The following TRIM22 variants were observed in gnomAD, a reference collection of about 807,000 sequenced individuals.
The protein encoded by TRIM22 is E3 ubiquitin-protein ligase TRIM22.
A neutral mutation model predicts 53.6 loss-of-function variants in TRIM22; 45 were observed. The ratio of observed to expected loss-of-function variants is 0.84; its 90% CI spans 0.66 to 1.08. The LOEUF is 1.08. Ranked by LOEUF, TRIM22 falls within the 50% of genes least tolerant of loss-of-function variation. The pLI, the probability that TRIM22 is intolerant of heterozygous loss-of-function variation, is 0.00. For missense variants in TRIM22, 616 were observed against 590.9 expected, an observed-to-expected ratio of 1.04 and a Z score of -0.44; for synonymous variants, 225 against 216.6, an observed-to-expected ratio of 1.04 and a Z score of -0.34.
At chr11:5,691,423 T>A (rs1485085803) in intron 1 of TRIM22, among the ~76,000 whole-genome samples, 1 of 152,222 alleles carries the variant, frequency 6.6e-6, no homozygotes, top group Non-Finnish European at 1.5e-5. Context: ...ATGTCTGGAA[T>A]CTATAGATAA....
intron 1 of TRIM22, among the ~76,000 whole-genome samples, chr11:5,693,646 C>T (rs969396638): frequency 4.1e-4 from 58 of 141,770 alleles, no homozygotes; most frequent in Non-Finnish European, 6.6e-4. Flanking sequence ...GGCGTGAACC[C>T]GAGAGGCGGA....
At position 5,710,059 on chromosome 11, in the gene TRIM22, T is replaced by G. The variant is rs112033537; in HGVS notation, c.*411T>G. The G allele has an allele frequency of 0.019, 3,254 of 167,244 alleles. 112 individuals carry two copies. Among genetic ancestry groups the G allele is most frequent in the African/African-American group, 0.074 (3,090 of 41,986 alleles). The allele number at this position is 167,244 out of a possible 1,614,324, so 10.4% of individuals were successfully genotyped here. ...ATACTGGCTCAGGGCCCACCGCTAATGCCTTAATGAAATCATTTTAACATT... is the reference window on the plus strand; with the variant it reads ...ATACTGGCTCAGGGCCCACCGCTAAGGCCTTAATGAAATCATTTTAACATT... On this transcript the variant is annotated 3_prime_UTR_variant, in exon 8 of 8. Transcript: ENST00000379965.
At chr11:5,696,845 A>G (rs1198023848) in intron 2 of TRIM22, 190 bp downstream of exon 2, 12 of 630,558 alleles carry the variant, frequency 1.9e-5, no homozygotes, top group African/African-American at 5.5e-5. Context: ...TATTTAAAAA[A>G]GAGTACAAAT....
chr11:5,695,858 C>A (rs968303774), intron 1 of TRIM22, among the ~76,000 whole-genome samples: 10 of 152,042 alleles, frequency 6.6e-5, no homozygotes, highest in Admixed American at 6.5e-4. Context: ...GGTTGGGGAA[C>A]AAAAGGCAGG....
At chr11:5,694,744 C>T (rs938138701) in intron 1 of TRIM22, among the ~76,000 whole-genome samples, 1 of 152,068 alleles carries the variant, frequency 6.6e-6, no homozygotes, top group African/African-American at 2.4e-5. Flanking sequence ...ATTGTAACTG[C>T]TTATAAAATT....
At chr11:5,700,105 G>C (rs1437461388) in intron 4 of TRIM22, among the ~76,000 whole-genome samples, 1 of 149,696 alleles carries the variant, frequency 6.7e-6, no homozygotes, top group Non-Finnish European at 1.5e-5. Context: ...ATACTCTGCA[G>C]TTTGTATGGT....
At chr11:5,690,476 T>TGA (rs1853155643) in intron 1 of TRIM22, among the ~76,000 whole-genome samples, 2 of 152,106 alleles carry the variant, frequency 1.3e-5, no homozygotes, top group Admixed American at 1.3e-4. Context: ...GGGGTGTGTG[T>TGA]GATGAGCTAG....
At chr11:5,704,539 T>C (rs1853427741) in intron 4 of TRIM22, among the ~76,000 whole-genome samples, 1 of 152,202 alleles carries the variant, frequency 6.6e-6, no homozygotes, top group Non-Finnish European at 1.5e-5. Flanking sequence ...TTATCAGACA[T>C]ATAATTTGTA....
At chr11:5,705,863 CTG>C (rs1297662357) in intron 4 of TRIM22, among the ~76,000 whole-genome samples, 2 of 152,090 alleles carry the variant, frequency 1.3e-5, no homozygotes, top group Admixed American at 1.3e-4. Flanking sequence ...TTACTTGGTC[CTG>C]TGGCTTGTTT....
chr11:5,699,975 G>A (rs960119434), intron 4 of TRIM22, among the ~76,000 whole-genome samples: 27 of 151,048 alleles, frequency 1.8e-4, no homozygotes, highest in African/African-American at 6.6e-4. Context: ...TTTTAATCTT[G>A]TATATTGCAA....
chr11:5,689,908 A>C lies in TRIM22; in HGVS notation c.-67+9A>C, dbSNP rs1853147175. ...TCTGCTTTGGACTGAAGGTGAGTGG[A>C]GCAATCTGTGGGAGCATAGAATGGG... On this transcript the variant is annotated intron_variant, in intron 1 of 7. Coordinates refer to ENST00000379965, the MANE Select transcript of TRIM22 (RefSeq NM_006074.5). 1 of 152,250 alleles carries C rather than the reference A, an allele frequency of 6.6e-6. No individual in the cohort carries two copies. Among genetic ancestry groups the C allele is most frequent in the African/African-American group, 2.4e-5 (1 of 41,440 alleles). 9.4% of individuals were successfully genotyped at this position (152,250 alleles called of 1,614,324 possible).
chr11:5,700,936 G>GAATAGCA (rs902651004), intron 4 of TRIM22, among the ~76,000 whole-genome samples: 14 of 151,932 alleles, frequency 9.2e-5, no homozygotes, highest in Non-Finnish European at 1.5e-4. Flanking sequence ...GAATTTTGTC[G>GAATAGCA]AATAGCTTTT....
chr11:5,693,088 T>C (rs1853199974), intron 1 of TRIM22, among the ~76,000 whole-genome samples: 1 of 151,604 alleles, frequency 6.6e-6, no homozygotes, highest in Non-Finnish European at 1.5e-5. Flanking sequence ...GGTCTCACCA[T>C]AGTGGCCAGG....
chr11:5,700,872 G>C (rs928301057), intron 4 of TRIM22, among the ~76,000 whole-genome samples: 1 of 151,874 alleles, frequency 6.6e-6, no homozygotes, highest in Non-Finnish European at 1.5e-5. Context: ...GCACCCGGCC[G>C]AGAAACTTCC....
At chr11:5,693,873 G>A (rs567247584) in intron 1 of TRIM22, among the ~76,000 whole-genome samples, 4 of 152,238 alleles carry the variant, frequency 2.6e-5, no homozygotes, top group South Asian at 4.1e-4. Context: ...AGTTATCCAA[G>A]ATAAAATGTG....
rs140700337 is a variant in TRIM22 at position 5,709,207 on chromosome 11, G to A, written c.1056G>A (p.Ser352=). 3.6e-4 allele frequency: 585 copies of A among 1,614,020 alleles called. 5 individuals carry two copies. The African/African-American group carries it at 6.3e-3, about 17-fold the overall frequency. The change falls in exon 8 of 8, where the codon TCG becomes TCA. Residue 352 remains serine (S), a synonymous_variant. Transcript: ENST00000379965. ...FGVFGCQYFS[S]GKYYWEVDVS... ...TCTTCGGCTGCCAATATTTCTCTTC[G>A]GGGAAATATTACTGGGAAGTAGATG...
intron 1 of TRIM22, among the ~76,000 whole-genome samples, chr11:5,693,178 C>T (rs1392361211): frequency 4.3e-4 from 60 of 140,856 alleles, no homozygotes; most frequent in Middle Eastern, 3.7e-3. Flanking sequence ...TGAGCCACAG[C>T]GCCTGGCCAT....
intron 5 of TRIM22, among the ~76,000 whole-genome samples, chr11:5,707,445 G>C (rs1369131593): frequency 6.6e-6 from 1 of 152,030 alleles, no homozygotes; most frequent in African/African-American, 2.4e-5. Flanking sequence ...CCTCTTCCTG[G>C]TGGACCCACT....
At chr11:5,694,155 T>G (rs1853220698) in intron 1 of TRIM22, among the ~76,000 whole-genome samples, 1 of 152,242 alleles carries the variant, frequency 6.6e-6, no homozygotes, top group African/African-American at 2.4e-5. Flanking sequence ...AAGAGCACAT[T>G]CACACATTAG....
Sources: gnomAD v4.1 joint callset for allele counts (sites outside exome capture counted in the v4.1 genomes callset) on GRCh38, gnomAD v4.1.1 for gene constraint, MANE v1.5 for transcripts, NCBI Gene and HGNC (gene_info 2026-07-23, HGNC 2026-07-21) for gene names.